LPP: variants seen among roughly 807,000 people sequenced by gnomAD.
LPP encodes the protein LIM domain containing preferred translocation partner in lipoma, also known as lipoma-preferred partner.
A neutral mutation model predicts 60.4 loss-of-function variants in LPP; 38 were observed. The observed-to-expected ratio is 0.63, with a 90% confidence interval of 0.49 to 0.83. LPP has a LOEUF of 0.83. Ranked by LOEUF, LPP falls within the 40% of genes least tolerant of loss-of-function variation. LPP has a pLI of 0.00. For synonymous variants in LPP, 328 were observed against 290.8 expected (o/e 1.13, Z -1.30); for missense variants, 902 against 783.6 (o/e 1.15, Z -1.80).
intron 4 of LPP, among the ~76,000 whole-genome samples, chr3:188,448,234 T>G (rs896577921): frequency 1.3e-5 from 2 of 152,084 alleles, no homozygotes; most frequent in African/African-American, 4.8e-5. Context: ...ATTTAGGAGG[T>G]TTGGGAACGT....
intron 6 of LPP, among the ~76,000 whole-genome samples, chr3:188,592,557 G>GTTTGTTTT (rs1260656926): frequency 1.3e-4 from 11 of 85,716 alleles, no homozygotes; most frequent in Admixed American, 2.6e-4. Flanking sequence ...TTTTGTTTTT[G>GTTTGTTTT]TTTTTTAAAT....
At chr3:188,300,355 AT>A (rs1376547065) in intron 2 of LPP, among the ~76,000 whole-genome samples, 1 of 151,524 alleles carries the variant, frequency 6.6e-6, no homozygotes, top group Non-Finnish European at 1.5e-5. Context: ...GCATTTTGAG[AT>A]TTTGTGACGA....
chr3:188,575,935 C>A (rs904858610), intron 6 of LPP, among the ~76,000 whole-genome samples: 2 of 151,892 alleles, frequency 1.3e-5, no homozygotes, highest in Admixed American at 6.6e-5. Flanking sequence ...CTTTTAGGAC[C>A]CTGAGCTTTC....
chr3:188,380,260 G>A (rs1033031481), intron 3 of LPP, among the ~76,000 whole-genome samples: 2 of 152,350 alleles, frequency 1.3e-5, no homozygotes, highest in Admixed American at 6.5e-5. Context: ...AGGCATGGTG[G>A]AAAATTAAAC....
chr3:188,285,315 G>A (rs559749503), intron 2 of LPP, among the ~76,000 whole-genome samples: 7 of 152,108 alleles, frequency 4.6e-5, no homozygotes, highest in African/African-American at 1.2e-4. Flanking sequence ...TTTCTCTCCC[G>A]TGGGTTGTGC....
intron 4 of LPP, among the ~76,000 whole-genome samples, chr3:188,443,608 CCTTTT>C (rs898066535): frequency 6.6e-6 from 1 of 152,130 alleles, no homozygotes; most frequent in Non-Finnish European, 1.5e-5. Context: ...AGTTTCATGT[CCTTTT>C]CTTTGTGGTT....
chr3:188,607,198 G>A (rs1334025056), intron 6 of LPP, among the ~76,000 whole-genome samples: 2 of 146,004 alleles, frequency 1.4e-5, no homozygotes, highest in Non-Finnish European at 3.0e-5. Flanking sequence ...TTGAATTAAA[G>A]CAACAGGGCA....
intron 3 of LPP, among the ~76,000 whole-genome samples, chr3:188,397,293 G>A (rs941732449): frequency 1.3e-5 from 2 of 152,014 alleles, no homozygotes; most frequent in Non-Finnish European, 2.9e-5. Context: ...TCTAAATCTC[G>A]GTATTTGAAT....
rs1226514113 is a variant in LPP at position 188,883,100 on chromosome 3, CAG to C, written c.*8624_*8625del. ...TGTTCCAAGCTACACGACTTTAAAACAGAGCCAGCCTTTGGGGCATATGTTCT... is the reference window on the plus strand; with the variant it reads ...TGTTCCAAGCTACACGACTTTAAAACAGCCAGCCTTTGGGGCATATGTTCT... On this transcript the variant is annotated 3_prime_UTR_variant, in exon 12 of 12. Transcript: ENST00000617246. 4.7e-6 allele frequency: 1 copy of C among 214,200 alleles called. No homozygotes were observed. Among genetic ancestry groups the C allele is most frequent in the African/African-American group, 2.3e-5 (1 of 44,220 alleles). The allele number at this position is 214,200 out of a possible 1,614,324, so 13.3% of individuals were successfully genotyped here.
intron 8 of LPP, among the ~76,000 whole-genome samples, chr3:188,727,977 A>G (rs1206135599): frequency 1.3e-5 from 2 of 152,290 alleles, no homozygotes; most frequent in South Asian, 2.1e-4. Context: ...GTCATTCCTA[A>G]TACTCATTCA....
At chr3:188,508,544 A>G (rs1814235746) in intron 5 of LPP, among the ~76,000 whole-genome samples, 1 of 152,250 alleles carries the variant, frequency 6.6e-6, no homozygotes, top group African/African-American at 2.4e-5. Context: ...TTAAGCTCCA[A>G]CAGGGTGCTA....
In LPP at chr3:188,276,693, C is replaced by T. The variant is rs985493497; in HGVS notation, c.-67+51166C>T. 0.023 allele frequency among the ~76,000 whole-genome samples: 340 copies of T among 15,020 alleles called. 1 individual carries two copies. In the African/African-American group the frequency reaches 0.23, roughly 10 times the overall value. The allele number at this position is 15,020 out of a possible 152,430, so 9.9% of individuals were successfully genotyped here. A position where few individuals can be genotyped will look rare whatever the true frequency, so the allele number is the denominator to read the frequency against. On this transcript the variant is annotated intron_variant, in intron 2 of 11. Transcript: ENST00000617246. ...TGTCTCTCTCTCTCTCTCTCTCTCT[C>T]TTTCTCTCTCTCTCTCTCTCTCTCT...
intron 4 of LPP, among the ~76,000 whole-genome samples, chr3:188,410,158 A>G (rs1784566077): frequency 1.3e-5 from 2 of 152,184 alleles, no homozygotes; most frequent in African/African-American, 2.4e-5. Context: ...CCTGACACAT[A>G]CTAGGAACTC....
At chr3:188,632,748 G>A (rs908621369) in intron 7 of LPP, among the ~76,000 whole-genome samples, 2 of 152,078 alleles carry the variant, frequency 1.3e-5, no homozygotes, top group African/African-American at 2.4e-5. Context: ...TAACACTTAC[G>A]GACAAGTGGA....
chr3:188,489,857 C>T (rs1274441512), intron 5 of LPP, among the ~76,000 whole-genome samples: 1 of 152,148 alleles, frequency 6.6e-6, no homozygotes, highest in Admixed American at 6.5e-5. Flanking sequence ...ACTTCTAACT[C>T]TGCTTCTCTG....
rs138526352 is a variant in LPP, at chr3:188,609,181, C to G, written c.450C>G (p.Ala150=). The G allele has an allele frequency of 3.0e-4, 479 of 1,610,974 alleles. No homozygotes were observed. The highest frequency in any genetic ancestry group is 3.9e-4 in the Non-Finnish European group (455 of 1,178,058). Reference sequence around the variant, plus strand: ...TTTAGAGCTCCACTGGTTCAACAGCCTCTCCTCCAGTTTCGACCCCAGTCA... The same window carrying G: ...TTTAGAGCTCCACTGGTTCAACAGCGTCTCCTCCAGTTTCGACCCCAGTCA... ...RPPQSSTGST[A]SPPVSTPVTG... Residue 150 remains alanine, a synonymous_variant, in exon 7 of 12, where the codon GCC becomes GCG. Coordinates refer to ENST00000617246, the MANE Select transcript of LPP (RefSeq NM_001375462.1). The surrounding 1 kb of genome is among the most constrained non-coding windows in gnomAD (Gnocchi z 6.9).
intron 2 of LPP, among the ~76,000 whole-genome samples, chr3:188,330,585 C>T (rs1011520373): frequency 6.6e-5 from 10 of 152,114 alleles, no homozygotes; most frequent in African/African-American, 2.4e-4. Context: ...CTTCCTCAAT[C>T]CTAGGCCTGG....
intron 6 of LPP, among the ~76,000 whole-genome samples, chr3:188,565,615 C>T (rs1831944216): frequency 6.6e-6 from 1 of 151,910 alleles, no homozygotes; most frequent in Admixed American, 6.6e-5. Context: ...CCATTCAAAG[C>T]TAACATTTTT....
At chr3:188,377,035 C>A (rs1018914034) in intron 3 of LPP, among the ~76,000 whole-genome samples, 3 of 152,188 alleles carry the variant, frequency 2.0e-5, no homozygotes, top group African/African-American at 7.2e-5. Flanking sequence ...ATATTGGTCC[C>A]CGCTCTCTTC....
Sources: gnomAD v4.1 joint callset for allele counts (sites outside exome capture counted in the v4.1 genomes callset) on GRCh38, gnomAD v4.1.1 for gene constraint, Gnocchi (gnomAD v3.1) non-coding constraint, MANE v1.5 for transcripts, NCBI Gene and HGNC (gene_info 2026-07-23, HGNC 2026-07-21) for gene names.